Variants in DNAAF1 observed in about 807,000 individuals in gnomAD.
The protein encoded by DNAAF1 is dynein axonemal assembly factor 1.
In DNAAF1, 65 loss-of-function variants were observed where a neutral mutation model predicts 71.1. The ratio of observed to expected loss-of-function variants is 0.91; its 90% CI spans 0.75 to 1.12. DNAAF1 has a LOEUF of 1.12. Ranked by LOEUF, DNAAF1 falls within the 50% of genes most tolerant of loss-of-function variation. The probability of loss-of-function intolerance (pLI) is 0.00; values close to 1 mark genes in which losing one functional copy is unlikely to be tolerated. For missense variants in DNAAF1, 1,178 were observed against 899.8 expected (o/e 1.31, Z -3.96); for synonymous variants, 414 against 354.6 (o/e 1.17, Z -1.88).
At chr16:84,177,520 G>A (rs1381703260) in intron 11 of DNAAF1, 23 of 522,162 alleles carry the variant, frequency 4.4e-5, no homozygotes, top group Non-Finnish European at 6.8e-5. Flanking sequence ...GTAGAGATGG[G>A]GTTTCACCAT....
At chr16:84,152,974 A>C (rs1403931558) in intron 3 of DNAAF1, among the ~76,000 whole-genome samples, 1 of 151,200 alleles carries the variant, frequency 6.6e-6, no homozygotes, top group East Asian at 1.9e-4. Context: ...AAAAAAAGTG[A>C]CTTAAGAGAC....
At chr16:84,173,058 C>T in intron 9 of DNAAF1, 1 of 989,766 alleles carries the variant, frequency 1.0e-6, no homozygotes. Flanking sequence ...TTTCTGGGTA[C>T]CTCTGACCTT....
chr16:84,172,279 GGC>G lies in DNAAF1; in HGVS notation c.1549_1550del (p.Ala517HisfsTer2). ...CTTTAGAACCGACTCCCCAGGCTGT[GGC>G]CACTGAGGGTGTATTCGTTACAGAA... ...AREEPTPQAV[A>X]TEGVFVTELD... On this transcript the variant is annotated frameshift_variant, in exon 9 of 12. Transcript: ENST00000378553. LOFTEE classifies it high-confidence loss of function. 6.2e-7 allele frequency: 1 copy of G among 1,614,114 alleles called. No homozygotes were observed. Among genetic ancestry groups the G allele is most frequent in the South Asian group, 1.1e-5 (1 of 91,056 alleles).
intron 3 of DNAAF1, among the ~76,000 whole-genome samples, chr16:84,151,729 C>A (rs1026271250): frequency 2.0e-5 from 3 of 152,180 alleles, no homozygotes; most frequent in Non-Finnish European, 4.4e-5. Context: ...GAGGCAGTAG[C>A]CAGACTGTCA....
chr16:84,172,699 G>T, intron 9 of DNAAF1: 1 of 1,210,328 alleles, frequency 8.3e-7, no homozygotes, highest in Non-Finnish European at 1.0e-6. Context: ...ATCTTGCTAA[G>T]TGGTTCTGAC....
At chr16:84,159,352 T>G (rs1210023300) in intron 5 of DNAAF1, 2 of 788,832 alleles carry the variant, frequency 2.5e-6, no homozygotes, top group Admixed American at 4.6e-5. Context: ...GTAAAAGAGG[T>G]TGGGTAGCAA....
At chr16:84,169,808 C>G (rs766570401) in intron 7 of DNAAF1, 51 bp from the exon 8 acceptor site, 4 of 1,610,800 alleles carry the variant, frequency 2.5e-6, no homozygotes, top group East Asian at 2.2e-5. Flanking sequence ...CACAAACACC[C>G]TTGTCCTCCC....
At chr16:84,166,370 CT>C (rs535417461) in intron 7 of DNAAF1, among the ~76,000 whole-genome samples, 780 of 118,810 alleles carry the variant, frequency 6.6e-3, no homozygotes, top group Non-Finnish European at 8.4e-3. Context: ...TTCTTTTTTT[CT>C]TTTTTTTTTT....
In DNAAF1 at chr16:84,154,617, G is replaced by C; in HGVS notation, c.393G>C (p.Leu131=). The C allele has an allele frequency of 6.2e-7, 1 of 1,614,166 alleles. No homozygotes were observed. The highest frequency in any genetic ancestry group is 8.5e-7 in the Non-Finnish European group (1 of 1,180,034). The change falls in exon 4 of 12, where the codon CTG becomes CTC. Residue 131 remains leucine, a synonymous_variant. Transcript: ENST00000378553. ...AGAACCTGGAAGAGTACACAGGGCT[G>C]CGCTGTCTCTGGCTGCAGAGCAATG... The part of the protein sequence containing the change: ...RIENLEEYTG[L]RCLWLQSNGI...
intron 6 of DNAAF1, among the ~76,000 whole-genome samples, 180 bp downstream of exon 6, chr16:84,159,976 T>G: frequency 6.6e-6 from 1 of 152,212 alleles, no homozygotes; most frequent in Non-Finnish European, 1.5e-5. Flanking sequence ...TTCATAGATT[T>G]TTTTATATTC....
chr16:84,173,074 T>C (rs2088451731), intron 9 of DNAAF1: 1 of 987,040 alleles, frequency 1.0e-6, no homozygotes, highest in Non-Finnish European at 1.2e-6. Context: ...ACCTTATACC[T>C]TGGAGAGGTG....
At chr16:84,165,063 G>A (rs908075167) in intron 6 of DNAAF1, among the ~76,000 whole-genome samples, 1 of 152,076 alleles carries the variant, frequency 6.6e-6, no homozygotes, top group African/African-American at 2.4e-5. Context: ...ATCTTTTTTG[G>A]TGAGGTACCC....
rs950675843 is a variant in DNAAF1 at position 84,172,640 on chromosome 16, C to T, written c.1644+265C>T. 3.0e-6 allele frequency: 4 copies of T among 1,312,470 alleles called. No individual in the cohort carries two copies. In the South Asian group the frequency reaches 4.7e-5, roughly 15 times the overall value. The allele number at this position is 1,312,470 out of a possible 1,614,324, so 81.3% of individuals were successfully genotyped here. On this transcript the variant is annotated intron_variant, in intron 9 of 11. Transcript: ENST00000378553. Reference sequence around the variant, plus strand: ...GGGGAGCCCTGACCCAAATCGCTACCCTTGAACCATGTCTACCAAACTCTT... The same window carrying T: ...GGGGAGCCCTGACCCAAATCGCTACTCTTGAACCATGTCTACCAAACTCTT...
chr16:84,145,309 T>C lies in DNAAF1; in HGVS notation c.-132T>C. On this transcript the variant is annotated 5_prime_UTR_variant, in exon 1 of 12. Coordinates refer to ENST00000378553, the MANE Select transcript of DNAAF1 (RefSeq NM_178452.6). ...GGGCGACCGGGGAAGCGTTGGGCTG[T>C]AAAGACTAGGGCGCCAGCGGCTGGC... 1 of 1,473,366 alleles carries C rather than the reference T, an allele frequency of 6.8e-7. No homozygotes were observed. Among genetic ancestry groups the C allele is most frequent in the South Asian group, 1.2e-5 (1 of 81,762 alleles). 91.3% of individuals were successfully genotyped at this position (1,473,366 alleles called of 1,614,324 possible). A position where few individuals can be genotyped will look rare whatever the true frequency, so the allele number is the denominator to read the frequency against.
chr16:84,159,746 A>G lies in DNAAF1; in HGVS notation c.813A>G (p.Arg271=), dbSNP rs2087614715. ...ATTACAGAAGGACAGTCACTGTACGACTAAAGCACTTAACATACCTGGATG... is the reference window on the plus strand; with the variant it reads ...ATTACAGAAGGACAGTCACTGTACGGCTAAAGCACTTAACATACCTGGATG... The part of the protein sequence containing the change: ...IPNYRRTVTV[R]LKHLTYLDDR... Residue 271 remains arginine, a synonymous_variant, in exon 6 of 12, where the codon CGA becomes CGG. Transcript: ENST00000378553. The G allele has an allele frequency of 1.9e-6, 3 of 1,613,950 alleles. No homozygotes were observed. Among genetic ancestry groups the G allele is most frequent in the Non-Finnish European group, 2.5e-6 (3 of 1,179,964 alleles).
At chr16:84,164,607 T>C (rs530117503) in intron 6 of DNAAF1, among the ~76,000 whole-genome samples, 1 of 152,358 alleles carries the variant, frequency 6.6e-6, no homozygotes, top group South Asian at 2.1e-4. Context: ...TTGTTTCTTT[T>C]CATTGCTGAG....
intron 7 of DNAAF1, 71 bp from the exon 8 acceptor site, chr16:84,169,788 T>C: frequency 4.4e-6 from 7 of 1,601,808 alleles, no homozygotes; most frequent in Non-Finnish European, 5.1e-6. Context: ...CTGTGAGCCC[T>C]TGATGTACCC....
Position 84,155,629 on chromosome 16 carries a change from G to A in DNAAF1, c.621G>A (p.Leu207=), listed in dbSNP as rs2087390107. 6.2e-7 allele frequency: 1 copy of A among 1,614,156 alleles called. No homozygotes were observed. The highest frequency in any genetic ancestry group is 8.5e-7 in the Non-Finnish European group (1 of 1,180,036). ...LNTLQMAHNH[L]ETVEDIQHLQ... is the part of the protein sequence containing the mutation. ...CATTGCAGATGGCCCACAATCACCTGGAGACCGTGGAGGACATTCAGCATC... is the reference window on the plus strand; with the variant it reads ...CATTGCAGATGGCCCACAATCACCTAGAGACCGTGGAGGACATTCAGCATC... The change falls in exon 5 of 12, where the codon CTG becomes CTA. Residue 207 remains leucine, a synonymous_variant. Transcript: ENST00000378553.
chr16:84,161,687 T>C (rs2087723355), intron 6 of DNAAF1, among the ~76,000 whole-genome samples: 1 of 151,712 alleles, frequency 6.6e-6, no homozygotes, highest in South Asian at 2.1e-4. Context: ...CATTGAATCT[T>C]AATCCAGCCA....
Sources: gnomAD v4.1 joint callset for allele counts (sites outside exome capture counted in the v4.1 genomes callset) on GRCh38, gnomAD v4.1.1 for gene constraint, MANE v1.5 for transcripts, NCBI Gene and HGNC (gene_info 2026-07-23, HGNC 2026-07-21) for gene names.